The following TENM1 variants were observed in gnomAD, a reference collection of about 807,000 sequenced individuals.
TENM1 encodes the protein teneurin-1.
TENM1 carries 35 observed loss-of-function variants against 174.8 expected under a neutral mutation model. The observed-to-expected ratio is 0.20, with a 90% CI of 0.15 to 0.27. The LOEUF (loss-of-function observed/expected upper bound fraction) is 0.27. Ranked by LOEUF, TENM1 falls within the 10% of genes least tolerant of loss-of-function variation. The pLI, the probability that TENM1 is intolerant of heterozygous loss-of-function variation, is 1.00. For synonymous variants in TENM1, 781 were observed against 798.7 expected, an observed-to-expected ratio of 0.98 and a Z score of 0.37; for missense variants, 1,633 against 2,130.1, an observed-to-expected ratio of 0.77 and a Z score of 4.59.
chrX:124,501,891 G>A (rs980651097), intron 19 of TENM1, among the ~76,000 whole-genome samples: 20 of 111,615 alleles, frequency 1.8e-4, no homozygotes, highest in Non-Finnish European at 3.0e-4. Flanking sequence ...TCTGTTTCCC[G>A]GCAAGTGTGA....
chrX:124,956,510 A>G (rs1354615553), intron 1 of TENM1, among the ~76,000 whole-genome samples: 1 of 112,326 alleles, frequency 8.9e-6, no homozygotes, highest in East Asian at 2.8e-4. Context: ...TAGAGGGAGC[A>G]GTGGCACAAG....
At chrX:125,140,162 T>G in the TENM1 span, among the ~76,000 whole-genome samples, 1 of 111,416 alleles carries the variant, frequency 9.0e-6, no homozygotes, top group African/African-American at 3.3e-5. Context: ...TACACCTACG[T>G]TTTTGATCCA....
Position 124,646,860 on chromosome X carries a change from TAG to T in TENM1, c.1580-52_1580-51del, listed in dbSNP as rs375605674. Reference sequence around the variant, plus strand: ...AAAAAATGAACGCATCTCCAGGCTGTAGAGTCTTTATTTTTTTTTAAGTTGCA... The same window carrying T: ...AAAAAATGAACGCATCTCCAGGCTGTAGTCTTTATTTTTTTTTAAGTTGCA... On this transcript the variant is annotated intron_variant, in intron 8 of 31. Transcript: ENST00000422452. 9.2e-5 allele frequency: 84 copies of T among 910,593 alleles called. 1 individual carries two copies. In the African/African-American group the frequency reaches 1.5e-3, roughly 16 times the overall value. 75.0% of individuals were successfully genotyped at this position (910,593 alleles called of 1,213,427 possible).
At chrX:124,728,216 G>A (rs1186453166) in intron 4 of TENM1, among the ~76,000 whole-genome samples, 2 of 111,405 alleles carry the variant, frequency 1.8e-5, no homozygotes, top group African/African-American at 6.5e-5. Flanking sequence ...TGGGCCTCTG[G>A]ATAAGGAAGG....
chrX:125,118,868 A>G, the TENM1 span, among the ~76,000 whole-genome samples: 1 of 111,963 alleles, frequency 8.9e-6, no homozygotes, highest in Admixed American at 9.6e-5. Flanking sequence ...ATGAAATTCT[A>G]GAAAAGACAA....
chrX:124,894,776 T>C (rs2057534924), intron 2 of TENM1, among the ~76,000 whole-genome samples: 2 of 111,597 alleles, frequency 1.8e-5, no homozygotes, highest in South Asian at 7.6e-4. Context: ...TTTTCCCAAC[T>C]GAAAGACGAA....
Position 124,382,829 on chromosome X carries a change from T to TA in TENM1, c.7298-18dup. On this transcript the variant is annotated splice_polypyrimidine_tract_variant and intron_variant, in intron 30 of 31. Coordinates refer to ENST00000422452, the Ensembl canonical transcript of TENM1. The stretch of plus-strand genomic sequence containing the variant: ...TTCTGATGTCTGTGAGACACAATAT[T>TA]AAAAAAAGAAAATGAAAAATCCCAT... 1 of 1,155,920 alleles carries TA rather than the reference T, an allele frequency of 8.7e-7. No homozygotes were observed. The highest frequency in any genetic ancestry group is 1.1e-6 in the Non-Finnish European group (1 of 872,446).
intron 3 of TENM1, among the ~76,000 whole-genome samples, chrX:124,761,869 T>C (rs970337919): frequency 4.1e-4 from 46 of 111,446 alleles, no homozygotes; most frequent in African/African-American, 1.4e-3. Flanking sequence ...TTAAACAACT[T>C]TTTGTGGGTA....
chrX:124,558,873 T>A (rs1266910675), intron 14 of TENM1, among the ~76,000 whole-genome samples: 1 of 111,451 alleles, frequency 9.0e-6, no homozygotes, highest in Admixed American at 9.6e-5. Context: ...GAGCTCATAT[T>A]AAGGTCTTTG....
chrX:124,684,682 G>A (rs748514258), intron 5 of TENM1, among the ~76,000 whole-genome samples: 5 of 111,731 alleles, frequency 4.5e-5, no homozygotes, highest in Admixed American at 1.9e-4. Flanking sequence ...TCCCACCCCA[G>A]TATCAGGCTG....
chrX:124,524,771 A>T (rs1240758471), intron 16 of TENM1, among the ~76,000 whole-genome samples: 1 of 95,482 alleles, frequency 1.0e-5, no homozygotes, highest in Non-Finnish European at 2.0e-5. Flanking sequence ...TTCAGATTTC[A>T]TTTCATTCTG....
intron 11 of TENM1, among the ~76,000 whole-genome samples, chrX:124,610,868 T>A (rs1196256481): frequency 9.0e-6 from 1 of 111,725 alleles, no homozygotes; most frequent in East Asian, 2.8e-4. Context: ...AGCATGCGAC[T>A]TCCTTATTTA....
intron 3 of TENM1, among the ~76,000 whole-genome samples, chrX:124,821,708 C>T (rs754920131): frequency 4.6e-4 from 52 of 112,126 alleles, no homozygotes; most frequent in African/African-American, 1.6e-3. Context: ...ACACTTTTAT[C>T]ACCCATTTCT....
chrX:124,627,673 T>A (rs2050668464), intron 11 of TENM1, among the ~76,000 whole-genome samples: 1 of 111,883 alleles, frequency 8.9e-6, no homozygotes, highest in Admixed American at 9.5e-5. Context: ...GTGGGAGAAC[T>A]ATTCAAAGAC....
At chrX:124,982,796 G>T in the TENM1 span, among the ~76,000 whole-genome samples, 24 of 112,003 alleles carry the variant, frequency 2.1e-4, no homozygotes, top group African/African-American at 3.2e-4. Context: ...TGGTTTGTAT[G>T]AGGGAAGAAA....
chrX:125,048,556 T>C, the TENM1 span, among the ~76,000 whole-genome samples: 7 of 111,352 alleles, frequency 6.3e-5, no homozygotes, highest in African/African-American at 2.0e-4. Context: ...TCTACCACCA[T>C]AGAGACAGAT....
chrX:125,166,136 AAAC>A, the TENM1 span, among the ~76,000 whole-genome samples: 80 of 111,492 alleles, frequency 7.2e-4, no homozygotes, highest in Middle Eastern at 4.6e-3. Context: ...GATAACTTTA[AAAC>A]ATCATAACCT....
At chrX:124,951,276 C>T (rs2058479280) in intron 1 of TENM1, among the ~76,000 whole-genome samples, 1 of 111,107 alleles carries the variant, frequency 9.0e-6, no homozygotes, top group Non-Finnish European at 1.9e-5. Flanking sequence ...ACAAAGCCAC[C>T]TCCAAGCTTT....
intron 23 of TENM1, among the ~76,000 whole-genome samples, chrX:124,426,982 C>CTA (rs1182411950): frequency 9.0e-6 from 1 of 111,593 alleles, no homozygotes; most frequent in African/African-American, 3.3e-5. Context: ...CCTTGGACCT[C>CTA]TATACACTAT....
Sources: allele counts gnomAD v4.1 joint callset (sites outside exome capture counted in the v4.1 genomes callset), GRCh38; gene constraint gnomAD v4.1.1; transcripts MANE v1.5; gene names NCBI Gene and HGNC (gene_info 2026-07-23, HGNC 2026-07-21).